CDC25C: variants seen among roughly 807,000 people sequenced by gnomAD.
CDC25C encodes M-phase inducer phosphatase 3.
Under a neutral mutation model 52.5 loss-of-function variants are expected in CDC25C, and 48 were observed. The ratio of observed to expected loss-of-function variants is 0.91; its 90% CI spans 0.72 to 1.16. The LOEUF is 1.16. Among genes scored for constraint, CDC25C ranks in the 50% most tolerant of loss-of-function variants. The probability of loss-of-function intolerance (pLI) is 0.00; values close to 1 mark genes in which losing one functional copy is unlikely to be tolerated. For missense variants in CDC25C, 510 were observed against 566.1 expected, an observed-to-expected ratio of 0.90 and a Z score of 1.01; for synonymous variants, 187 against 206.5, an observed-to-expected ratio of 0.91 and a Z score of 0.81.
At chr5:138,299,670 A>G (rs950227559) in intron 7 of CDC25C, among the ~76,000 whole-genome samples, 1 of 151,830 alleles carries the variant, frequency 6.6e-6, no homozygotes, top group Non-Finnish European at 1.5e-5. Context: ...GCTTAGAAAA[A>G]AATTTAAAGC....
upstream of CDC25C, chr5:138,332,218 G>T (rs1034398555): frequency 6.6e-6 from 1 of 152,248 alleles, no homozygotes; most frequent in Non-Finnish European, 1.5e-5. Context: ...TGGGTGGAGG[G>T]TGTTGTAAGC....
rs560390954 is a variant in CDC25C, at chr5:138,330,349, G to T, written c.194+638C>A. Among the ~76,000 whole-genome samples, 23 of 152,138 alleles carry T rather than the reference G, an allele frequency of 1.5e-4. No individual in the cohort carries two copies. In the South Asian group the frequency reaches 4.6e-3, roughly 30 times the overall value. On this transcript the variant is annotated intron_variant, in intron 2 of 13. Transcript: ENST00000323760. The stretch of plus-strand genomic sequence containing the variant: ...ACTTCTCTTTGCTAGTTGAGACATG[G>T]TATGATCAGAATTCAAAGTACAACT...
chr5:138,327,681 G>A (rs2126834088), intron 4 of CDC25C, among the ~76,000 whole-genome samples: 1 of 152,102 alleles, frequency 6.6e-6, no homozygotes, highest in East Asian at 1.9e-4. Flanking sequence ...GTATGTGCTA[G>A]ATACACAGTT....
intron 7 of CDC25C, among the ~76,000 whole-genome samples, chr5:138,311,348 C>A (rs2126756407): frequency 6.6e-6 from 1 of 152,242 alleles, no homozygotes; most frequent in Non-Finnish European, 1.5e-5. Context: ...AATCGCAGCA[C>A]CTTGGGAGGC....
At position 138,303,842 on chromosome 5, in the gene CDC25C, G is replaced by C. The variant is rs528098053; in HGVS notation, c.616-11726C>G. On this transcript the variant is annotated intron_variant, in intron 7 of 13. Coordinates refer to ENST00000323760, the MANE Select transcript of CDC25C (RefSeq NM_001790.5). The stretch of plus-strand genomic sequence containing the variant: ...CTAGAATGTAAGCTCAGATACTACT[G>C]TATCTCTGGCATTAGTGAATAAATG... 5.9e-5 allele frequency among the ~76,000 whole-genome samples: 9 copies of C among 152,226 alleles called. No individual in the cohort carries two copies. The South Asian group carries it at 1.9e-3, about 32-fold the overall frequency.
chr5:138,317,467 T>A (rs1019313805), intron 7 of CDC25C, among the ~76,000 whole-genome samples: 14 of 151,476 alleles, frequency 9.2e-5, no homozygotes, highest in African/African-American at 2.9e-4. Context: ...ATCACTTGAG[T>A]CCAGGAGTTT....
intron 6 of CDC25C, among the ~76,000 whole-genome samples, chr5:138,324,260 G>C (rs1759677486): frequency 6.6e-6 from 1 of 151,954 alleles, no homozygotes; most frequent in African/African-American, 2.4e-5. Flanking sequence ...GACAGAGTGA[G>C]ACTCTGTCTC....
intron 7 of CDC25C, among the ~76,000 whole-genome samples, chr5:138,292,793 T>A (rs1174786661): frequency 6.6e-6 from 1 of 152,194 alleles, no homozygotes; most frequent in Non-Finnish European, 1.5e-5. Flanking sequence ...TTGAAAGGCA[T>A]GGTTTGGGTG....
rs1232578586 is a variant in CDC25C, at chr5:138,296,289, G to C, written c.616-4173C>G. 2.0e-5 allele frequency among the ~76,000 whole-genome samples: 3 copies of C among 152,246 alleles called. No individual in the cohort carries two copies. In the South Asian group the frequency reaches 6.2e-4, roughly 32 times the overall value. ...CTCCCTCTGGAACCCAGGCTGGAGT[G>C]CAGTGGCACGATCTCAGCTCACTGC... is the stretch of plus-strand genomic sequence containing the variant. On this transcript the variant is annotated intron_variant, in intron 7 of 13. Transcript: ENST00000323760.
Position 138,330,013 on chromosome 5 carries a change from G to A in CDC25C, c.195-366C>T, listed in dbSNP as rs189988121. Among the ~76,000 whole-genome samples the A allele has an allele frequency of 1.2e-4, 18 of 152,204 alleles. No individual in the cohort carries two copies. The East Asian group carries it at 3.3e-3, about 28-fold the overall frequency. On this transcript the variant is annotated intron_variant, in intron 2 of 13. Transcript: ENST00000323760. The stretch of plus-strand genomic sequence containing the variant: ...TCCAAAGTGCTGGGATTACAGGTGT[G>A]AGCCACAACGCCTGGCCAAGCCTGT...
intron 7 of CDC25C, among the ~76,000 whole-genome samples, chr5:138,307,928 C>T (rs376784675): frequency 6.6e-6 from 1 of 152,120 alleles, no homozygotes; most frequent in African/African-American, 2.4e-5. Context: ...AACTGTTTCA[C>T]CTCAGATCAT....
rs533170064 is a variant in CDC25C at position 138,309,895 on chromosome 5, TG to T, written c.615+9323del. Among the ~76,000 whole-genome samples the T allele has an allele frequency of 1.8e-3, 279 of 152,030 alleles. 1 individual carries two copies. The highest frequency in any genetic ancestry group is 6.5e-3 in the African/African-American group (269 of 41,478). On this transcript the variant is annotated intron_variant, in intron 7 of 13. Transcript: ENST00000323760. Reference sequence around the variant, plus strand: ...CTAATTTTTGTATTTTTAGTAGAGATGAGGTTTCACCATGTTGGCCAGGCTG... The same window carrying T: ...CTAATTTTTGTATTTTTAGTAGAGATAGGTTTCACCATGTTGGCCAGGCTG...
At position 138,285,768 on chromosome 5, in the gene CDC25C, C is replaced by T. The variant is rs1458309798; in HGVS notation, c.1346G>A (p.Ser449Asn). The change falls in exon 14 of 14, where the codon AGC becomes AAC. Residue 449 changes from serine to asparagine, a missense_variant. Ser to Asn is a conservative substitution (Grantham distance 46, BLOSUM62 1). Transcript: ENST00000323760. ...CTCCCCTTCCTGCACTTTGCTCTGG[C>T]TTCGACACCTCAGCAACTCAGTCTT... is the stretch of plus-strand genomic sequence containing the variant. ...DHKTELLRCR[S>N]QSKVQEGERQ... 1 of 1,614,102 alleles carries T rather than the reference C, an allele frequency of 6.2e-7. No individual in the cohort carries two copies. The highest frequency in any genetic ancestry group is 8.5e-7 in the Non-Finnish European group (1 of 1,180,036).
intron 7 of CDC25C, among the ~76,000 whole-genome samples, chr5:138,294,199 T>G (rs1476616596): frequency 6.6e-6 from 1 of 151,178 alleles, no homozygotes; most frequent in South Asian, 2.1e-4. Context: ...GCTAATTTTT[T>G]TTTTTTTTTT....
intron 7 of CDC25C, among the ~76,000 whole-genome samples, chr5:138,302,233 G>A (rs1307114791): frequency 6.6e-6 from 1 of 151,670 alleles, no homozygotes; most frequent in Non-Finnish European, 1.5e-5. Context: ...CTGACCTCGA[G>A]TGATCCACCT....
chr5:138,287,102 C>T, intron 11 of CDC25C, 67 bp downstream of exon 11: 1 of 1,103,040 alleles, frequency 9.1e-7, no homozygotes, highest in Non-Finnish European at 1.4e-6. Flanking sequence ...CCCCTTTGTC[C>T]ACAGACTCTT....
At chr5:138,317,387 T>C (rs969343349) in intron 7 of CDC25C, among the ~76,000 whole-genome samples, 3 of 152,190 alleles carry the variant, frequency 2.0e-5, no homozygotes, top group Admixed American at 1.3e-4. Context: ...GATTTAGAAA[T>C]GCTAAATGTA....
At chr5:138,288,207 C>T (rs1375455676) in intron 10 of CDC25C, among the ~76,000 whole-genome samples, 2 of 152,092 alleles carry the variant, frequency 1.3e-5, no homozygotes, top group Non-Finnish European at 2.9e-5. Flanking sequence ...TCCCGAGTAG[C>T]TGGGATTACA....
chr5:138,293,518 A>G (rs1052220462), intron 7 of CDC25C, among the ~76,000 whole-genome samples: 2 of 151,982 alleles, frequency 1.3e-5, no homozygotes, highest in Non-Finnish European at 2.9e-5. Context: ...TATAACTTCA[A>G]TTTTCCCCTG....
Sources: allele counts gnomAD v4.1 joint callset (sites outside exome capture counted in the v4.1 genomes callset), GRCh38; gene constraint gnomAD v4.1.1; transcripts MANE v1.5; gene names NCBI Gene and HGNC (gene_info 2026-07-23, HGNC 2026-07-21).